KCNS1: variants seen among roughly 807,000 people sequenced by gnomAD.
KCNS1 encodes potassium voltage-gated channel modifier subfamily S member 1, also known as delayed-rectifier potassium channel regulatory subunit KCNS1.
Under a neutral mutation model 33.1 loss-of-function variants are expected in KCNS1, and 26 were observed. The ratio of observed to expected loss-of-function variants is 0.79; its 90% CI spans 0.58 to 1.09. The LOEUF is 1.09. Among genes scored for constraint, KCNS1 ranks in the 50% least tolerant of loss-of-function variants. The probability of loss-of-function intolerance (pLI) is 0.00; values close to 1 mark genes in which losing one functional copy is unlikely to be tolerated. For missense variants in KCNS1, 702 were observed against 752.4 expected, an observed-to-expected ratio of 0.93 and a Z score of 0.78; for synonymous variants, 299 against 338.8, an observed-to-expected ratio of 0.88 and a Z score of 1.29.
Position 45,099,163 on chromosome 20 carries a change from C to T in KCNS1, c.74G>A (p.Gly25Glu), listed in dbSNP as rs374658200. 1.3e-6 allele frequency: 2 copies of T among 1,551,312 alleles called. No homozygotes were observed. The highest frequency in any genetic ancestry group is 1.7e-6 in the Non-Finnish European group (2 of 1,146,788). Residue 25 changes from glycine to glutamate, a missense_variant and splice_region_variant, in exon 2 of 4, where the codon GGA (glycine) becomes GAA (glutamate). Coordinates refer to ENST00000537075, the MANE Select transcript of KCNS1 (RefSeq NM_001322799.2). ...AAAATGAGGATAGTAACACTTACCT[C>T]CTAGGGGTGTTGGCAGCACCACTTT... is the stretch of plus-strand genomic sequence containing the variant. ...RSKVVLPTPL[G>E]GRSTETFVSE...
chr20:45,097,798 G>A lies in KCNS1; in HGVS notation c.974C>T (p.Ala325Val), dbSNP rs1489896527. Residue 325 changes from alanine to valine, a missense_variant, in exon 3 of 4, where the codon GCA (alanine) becomes GTA (valine). Ala to Val is a moderately conservative substitution (Grantham distance 64). Coordinates refer to ENST00000537075, the MANE Select transcript of KCNS1 (RefSeq NM_001322799.2). ...PFYLTLLAGV[A>V]LGDQGGKEFG... ...CTCCTTGCCGCCCTGGTCGCCCAGT[G>A]CCACACCAGCCAGCAGCGTGAGATA... 3.1e-6 allele frequency: 5 copies of A among 1,613,474 alleles called. No homozygotes were observed. The highest frequency in any genetic ancestry group is 4.2e-6 in the Non-Finnish European group (5 of 1,179,964).
rs780395600 is a variant in KCNS1, at chr20:45,098,556, C to T, written c.216G>A (p.Pro72=). 1 of 1,403,788 alleles carries T rather than the reference C, an allele frequency of 7.1e-7. No homozygotes were observed. Among genetic ancestry groups the T allele is most frequent in the African/African-American group, 1.5e-5 (1 of 66,064 alleles). 87.0% of individuals were successfully genotyped at this position (1,403,788 alleles called of 1,614,324 possible). ...CCTGCAGGCGGCCCAGCCGCGTGCC[C>T]GGGAAGCGCGCCAGGGCGCGCGCGC... ...QLSARALARF[P]GTRLGRLQAA... The change falls in exon 3 of 4, where the codon CCG becomes CCA. Residue 72 remains proline, a synonymous_variant. Transcript: ENST00000537075. The surrounding 1 kb of genome is among the most constrained non-coding windows in gnomAD (Gnocchi z 5.2).
Position 45,092,162 on chromosome 20 carries a change from C to G in KCNS1, c.*2708G>C, listed in dbSNP as rs1981018285. On this transcript the variant is annotated 3_prime_UTR_variant, in exon 4 of 4. Transcript: ENST00000537075. ...GAATTCCTGTCACTTGCAACCTGTT[C>G]TGGCTGGCACAACCACAAAGTTTGT... 6.6e-6 allele frequency: 1 copy of G among 152,160 alleles called. No homozygotes were observed. Among genetic ancestry groups the G allele is most frequent in the Non-Finnish European group, 1.5e-5 (1 of 68,018 alleles). 9.4% of individuals were successfully genotyped at this position (152,160 alleles called of 1,614,324 possible). A position where few individuals can be genotyped will look rare whatever the true frequency, so the allele number is the denominator to read the frequency against.
At position 45,094,807 on chromosome 20, in the gene KCNS1, G is replaced by A. The variant is rs770165637; in HGVS notation, c.*63C>T. On this transcript the variant is annotated 3_prime_UTR_variant, in exon 4 of 4. Coordinates refer to ENST00000537075, the MANE Select transcript of KCNS1 (RefSeq NM_001322799.2). ...ATCCTGGGAGGCTCACTACCATGAA[G>A]AACTTTAGCAGGGGAGGAATCTCTA... 28 of 1,352,166 alleles carry A rather than the reference G, an allele frequency of 2.1e-5. No homozygotes were observed. Among genetic ancestry groups the A allele is most frequent in the Non-Finnish European group, 2.8e-5 (27 of 974,498 alleles). The allele number at this position is 1,352,166 out of a possible 1,614,324, so 83.8% of individuals were successfully genotyped here. A position where few individuals can be genotyped will look rare whatever the true frequency, so the allele number is the denominator to read the frequency against.
Position 45,094,674 on chromosome 20 carries a change from T to A in KCNS1, c.*196A>T. On this transcript the variant is annotated 3_prime_UTR_variant, in exon 4 of 4. Coordinates refer to ENST00000537075, the MANE Select transcript of KCNS1 (RefSeq NM_001322799.2). ...TTGGAGGCAGGTTTATAAAGCTTTC[T>A]GAGTTGCTTGCAGAATCTCACAGAA... is the stretch of plus-strand genomic sequence containing the variant. The A allele has an allele frequency of 1.7e-6, 1 of 576,372 alleles. No homozygotes were observed. Among genetic ancestry groups the A allele is most frequent in the South Asian group, 2.3e-5 (1 of 43,264 alleles). The allele number at this position is 576,372 out of a possible 1,614,324, so 35.7% of individuals were successfully genotyped here.
In KCNS1 at chr20:45,095,063, A is replaced by G; in HGVS notation, c.1388T>C (p.Phe463Ser). ...ITIIFNKFSH[F>S]YRRQKALEAA... The stretch of plus-strand genomic sequence containing the variant: ...CTCCAGAGCCTTCTGGCGCCGGTAG[A>G]AGTGGGAGAACTTGTTGAAGATGAT... The change falls in exon 4 of 4, where the codon TTC becomes TCC. Residue 463 changes from phenylalanine (F) to serine (S), a missense_variant. Transcript: ENST00000537075. 1 of 1,613,930 alleles carries G rather than the reference A, an allele frequency of 6.2e-7. No individual in the cohort carries two copies. Among genetic ancestry groups the G allele is most frequent in the Non-Finnish European group, 8.5e-7 (1 of 1,179,978 alleles).
intron 1 of KCNS1, chr20:45,100,252 A>C (rs1814406553): frequency 6.6e-6 from 1 of 152,200 alleles, no homozygotes; most frequent in African/African-American, 2.4e-5. Context: ...GGAGAGGCTC[A>C]GAGAATTAAA....
At position 45,092,493 on chromosome 20, in the gene KCNS1, C is replaced by T. The variant is rs953325202; in HGVS notation, c.*2377G>A. 9.2e-5 allele frequency: 14 copies of T among 152,162 alleles called. No homozygotes were observed. The highest frequency in any genetic ancestry group is 9.2e-4 in the Admixed American group (14 of 15,274). The allele number at this position is 152,162 out of a possible 1,614,324, so 9.4% of individuals were successfully genotyped here. A position where few individuals can be genotyped will look rare whatever the true frequency, so the allele number is the denominator to read the frequency against. ...TAGGGTCAGAAAATATGGAAGCCGT[C>T]GGGTTTCTTGGTGTGTTCTGCAAGA... is the stretch of plus-strand genomic sequence containing the variant. On this transcript the variant is annotated 3_prime_UTR_variant, in exon 4 of 4. Transcript: ENST00000537075.
chr20:45,099,090 T>C, intron 2 of KCNS1, 71 bp downstream of exon 2: 1 of 1,513,626 alleles, frequency 6.6e-7, no homozygotes, highest in African/African-American at 1.4e-5. Context: ...ACCAAAGGTC[T>C]ACTGTGGGAT....
Position 45,098,478 on chromosome 20 carries a change from C to T in KCNS1, c.294G>A (p.Ala98=), listed in dbSNP as rs762145037. ...GCCGGTCGAAGTAGAATTCGCGCGC[C>T]GCCTCGTCGTAGTCGTCGCACAGGC... ...ARRLCDDYDE[A]AREFYFDRHP... Residue 98 remains alanine (A), a synonymous_variant, in exon 3 of 4, where the codon GCG becomes GCA. Transcript: ENST00000537075. The surrounding 1 kb of genome is among the most constrained non-coding windows in gnomAD (Gnocchi z 5.2). 6.4e-7 allele frequency: 1 copy of T among 1,564,088 alleles called. No homozygotes were observed. Among genetic ancestry groups the T allele is most frequent in the South Asian group, 1.2e-5 (1 of 84,960 alleles).
At position 45,098,787 on chromosome 20, in the gene KCNS1, G is replaced by T; in HGVS notation, c.77-92C>A. The T allele has an allele frequency of 5.0e-6, 6 of 1,190,692 alleles. No individual in the cohort carries two copies. The highest frequency in any genetic ancestry group is 6.5e-6 in the Non-Finnish European group (6 of 926,450). The allele number at this position is 1,190,692 out of a possible 1,614,324, so 73.8% of individuals were successfully genotyped here. A position where few individuals can be genotyped will look rare whatever the true frequency, so the allele number is the denominator to read the frequency against. ...TCCCCTCCTCCATCCAACCAGCCAA[G>T]GGGTGTTGGAGGCTGTGTGTGAAGC... is the stretch of plus-strand genomic sequence containing the variant. On this transcript the variant is annotated intron_variant, in intron 2 of 3. Transcript: ENST00000537075. The surrounding 1 kb of genome is among the most constrained non-coding windows in gnomAD (Gnocchi z 5.2).
chr20:45,098,585 G>A lies in KCNS1; in HGVS notation c.187C>T (p.Leu63=), dbSNP rs1981293574. 7.2e-7 allele frequency: 1 copy of A among 1,390,478 alleles called. No individual in the cohort carries two copies. Among genetic ancestry groups the A allele is most frequent in the Non-Finnish European group, 9.4e-7 (1 of 1,068,750 alleles). 86.1% of individuals were successfully genotyped at this position (1,390,478 alleles called of 1,614,324 possible). A position where few individuals can be genotyped will look rare whatever the true frequency, so the allele number is the denominator to read the frequency against. The change falls in exon 3 of 4, where the codon CTG becomes TTG. Residue 63 remains leucine, a synonymous_variant. Coordinates refer to ENST00000537075, the MANE Select transcript of KCNS1 (RefSeq NM_001322799.2). The surrounding 1 kb of genome is among the most constrained non-coding windows in gnomAD (Gnocchi z 5.2). ...AAGCGCGCCAGGGCGCGCGCGCTCAGCTGCCGCCGCACGCCACCCACGTTC... is the reference window on the plus strand; with the variant it reads ...AAGCGCGCCAGGGCGCGCGCGCTCAACTGCCGCCGCACGCCACCCACGTTC... ...RVNVGGVRRQ[L]SARALARFPG... is the part of the protein sequence containing the mutation.
In KCNS1 at chr20:45,098,661, C is replaced by T. The variant is rs371968715; in HGVS notation, c.111G>A (p.Pro37=). 6 of 1,461,890 alleles carry T rather than the reference C, an allele frequency of 4.1e-6. No individual in the cohort carries two copies. The highest frequency in any genetic ancestry group is 1.5e-5 in the African/African-American group (1 of 67,986). 90.6% of individuals were successfully genotyped at this position (1,461,890 alleles called of 1,614,324 possible). A position where few individuals can be genotyped will look rare whatever the true frequency, so the allele number is the denominator to read the frequency against. ...RSTETFVSEF[P]GPDTGIRWRR... ...GCCAGCGGATCCCGGTGTCGGGGCC[C>T]GGGAACTCGCTCACAAAGGTTTCAG... Residue 37 remains proline (P), a synonymous_variant, in exon 3 of 4, where the codon CCG becomes CCA. Coordinates refer to ENST00000537075, the MANE Select transcript of KCNS1 (RefSeq NM_001322799.2). The surrounding 1 kb of genome is among the most constrained non-coding windows in gnomAD (Gnocchi z 5.2).
Position 45,098,047 on chromosome 20 carries a change from A to G in KCNS1, c.725T>C (p.Leu242Pro). ...CGCCTCGCGGGCCTGGTACTCGGGCAGGCTGTGGATGCACATGGCGGCGAT... is the reference window on the plus strand; with the variant it reads ...CGCCTCGCGGGCCTGGTACTCGGGCGGGCTGTGGATGCACATGGCGGCGAT... Reference protein sequence around the residue: ...ASIAAMCIHSLPEYQAREAAA... With the variant: ...ASIAAMCIHSPPEYQAREAAA... The change falls in exon 3 of 4, where the codon CTG becomes CCG. Residue 242 changes from leucine (L) to proline (P), a missense_variant. By Grantham distance (98) the Leu-to-Pro change is moderately conservative. Transcript: ENST00000537075. This position sits in a 1 kb window ranked among gnomAD's most constrained non-coding sequence, Gnocchi z 5.2. The G allele has an allele frequency of 6.5e-7, 1 of 1,536,012 alleles. No individual in the cohort carries two copies.
At position 45,097,660 on chromosome 20, in the gene KCNS1, A is replaced by G. The variant is rs1255341273; in HGVS notation, c.1110+2T>C. ...GCTCCAACCTGGCCTCAGAGGCCGT[A>G]CCTTGAGCGTGGCTCCCAGCGAGCG... is the stretch of plus-strand genomic sequence containing the variant. On this transcript the variant is annotated splice_donor_variant, in intron 3 of 3. Transcript: ENST00000537075. LOFTEE classifies it high-confidence loss of function. 6.2e-7 allele frequency: 1 copy of G among 1,601,154 alleles called. No individual in the cohort carries two copies. The highest frequency in any genetic ancestry group is 8.5e-7 in the Non-Finnish European group (1 of 1,178,064).
At position 45,098,347 on chromosome 20, in the gene KCNS1, C is replaced by G; in HGVS notation, c.425G>C (p.Gly142Ala). The change falls in exon 3 of 4, where the codon GGC becomes GCC. Residue 142 changes from glycine to alanine, a missense_variant. Gly to Ala is a moderately conservative substitution (Grantham distance 60). Coordinates refer to ENST00000537075, the MANE Select transcript of KCNS1 (RefSeq NM_001322799.2). The surrounding 1 kb of genome is among the most constrained non-coding windows in gnomAD (Gnocchi z 5.2). ...FAFGQEADYW[G>A]LGENALAACC... ...CGCGGCAAGCGCGTTCTCGCCTAGG[C>G]CCCAGTAGTCGGCCTCCTGGCCAAA... 1 of 1,573,804 alleles carries G rather than the reference C, an allele frequency of 6.4e-7. No individual in the cohort carries two copies. The highest frequency in any genetic ancestry group is 8.6e-7 in the Non-Finnish European group (1 of 1,160,176).
chr20:45,097,280 C>T (rs1981213903), intron 3 of KCNS1, among the ~76,000 whole-genome samples: 1 of 152,182 alleles, frequency 6.6e-6, no homozygotes. Flanking sequence ...CCTGATAGTG[C>T]CAGAAGAAAG....
chr20:45,095,721 G>C (rs1981164709), intron 3 of KCNS1, among the ~76,000 whole-genome samples: 1 of 152,168 alleles, frequency 6.6e-6, no homozygotes, highest in Non-Finnish European at 1.5e-5. Context: ...ATGTACTTTT[G>C]ACTGGTCTGA....
chr20:45,095,311 C>A lies in KCNS1; in HGVS notation c.1140G>T (p.Leu380=). The change falls in exon 4 of 4, where the codon CTG becomes CTT. Residue 380 remains leucine (L), a synonymous_variant. Transcript: ENST00000537075. ...CTGACACACCCACAGCCAGGTACAG[C>A]AGCAAGATGCCCACCTCACGGTAGC... is the stretch of plus-strand genomic sequence containing the variant. ...KHSYREVGIL[L]LYLAVGVSVF... is the part of the protein sequence containing the mutation. 1.2e-6 allele frequency: 2 copies of A among 1,613,528 alleles called. No homozygotes were observed. Among genetic ancestry groups the A allele is most frequent in the Non-Finnish European group, 1.7e-6 (2 of 1,179,816 alleles).
Sources: allele counts gnomAD v4.1 joint callset (sites outside exome capture counted in the v4.1 genomes callset), GRCh38; gene constraint gnomAD v4.1.1; non-coding constraint Gnocchi (gnomAD v3.1); transcripts MANE v1.5; gene names NCBI Gene and HGNC (gene_info 2026-07-23, HGNC 2026-07-21).